Variants in ADAMTS3 observed in about 807,000 individuals in gnomAD.
ADAMTS3 encodes ADAM metallopeptidase with thrombospondin type 1 motif 3.
In ADAMTS3, 73 loss-of-function variants were observed where a neutral mutation model predicts 129.0. That is an observed-to-expected ratio of 0.57 (90% CI 0.47 to 0.69). The LOEUF (loss-of-function observed/expected upper bound fraction) is 0.69, where lower values mean the gene tolerates loss of function less well. Among genes scored for constraint, ADAMTS3 ranks in the 30% least tolerant of loss-of-function variants. The probability of loss-of-function intolerance (pLI) is 0.00; values close to 1 mark genes in which losing one functional copy is unlikely to be tolerated. For missense variants in ADAMTS3, 1,457 were observed against 1,514.5 expected, an observed-to-expected ratio of 0.96 and a Z score of 0.63; for synonymous variants, 477 against 510.8, an observed-to-expected ratio of 0.93 and a Z score of 0.89.
intron 4 of ADAMTS3, among the ~76,000 whole-genome samples, chr4:72,346,288 C>T (rs921575841): frequency 2.6e-5 from 4 of 152,064 alleles, no homozygotes; most frequent in African/African-American, 7.2e-5. Context: ...GAGAAGGAAA[C>T]GAATGTTGTA....
chr4:72,324,541 G>A (rs1389948275), intron 5 of ADAMTS3, among the ~76,000 whole-genome samples: 1 of 152,056 alleles, frequency 6.6e-6, no homozygotes, highest in African/African-American at 2.4e-5. Flanking sequence ...AAAAATGCAT[G>A]TATACACACA....
chr4:72,541,936 A>G (rs1721341881), intron 3 of ADAMTS3, among the ~76,000 whole-genome samples: 1 of 152,200 alleles, frequency 6.6e-6, no homozygotes. Flanking sequence ...GTATGTATTC[A>G]TATTTAGAAT....
chr4:72,540,720 G>GTCTT (rs1721300065), intron 3 of ADAMTS3, among the ~76,000 whole-genome samples: 3 of 152,192 alleles, frequency 2.0e-5, no homozygotes, highest in Non-Finnish European at 2.9e-5. Flanking sequence ...AAGGGGCCAA[G>GTCTT]CATGGCCCAT....
intron 3 of ADAMTS3, among the ~76,000 whole-genome samples, chr4:72,528,133 G>A (rs1404874700): frequency 2.0e-5 from 3 of 151,956 alleles, no homozygotes; most frequent in African/African-American, 7.3e-5. Context: ...TGAAAAGTCA[G>A]TACATACACA....
chr4:72,379,546 C>A (rs921007566), intron 4 of ADAMTS3, among the ~76,000 whole-genome samples: 2 of 151,568 alleles, frequency 1.3e-5, no homozygotes, highest in African/African-American at 2.4e-5. Flanking sequence ...GAAATAAGTT[C>A]AAGTCAATCA....
intron 3 of ADAMTS3, among the ~76,000 whole-genome samples, chr4:72,461,400 G>A (rs1718767612): frequency 6.6e-6 from 1 of 151,680 alleles, no homozygotes; most frequent in Non-Finnish European, 1.5e-5. Flanking sequence ...TCTGTAATGT[G>A]TCAAACACCC....
At chr4:72,449,533 T>C (rs1718339392) in intron 3 of ADAMTS3, among the ~76,000 whole-genome samples, 1 of 151,764 alleles carries the variant, frequency 6.6e-6, no homozygotes, top group Non-Finnish European at 1.5e-5. Flanking sequence ...ATTACTATTG[T>C]AGTCCAAGCC....
At chr4:72,364,654 A>C (rs1560487653) in intron 4 of ADAMTS3, among the ~76,000 whole-genome samples, 2 of 152,138 alleles carry the variant, frequency 1.3e-5, no homozygotes, top group Non-Finnish European at 2.9e-5. Flanking sequence ...ATAAGAAAAC[A>C]AATGAAAAAA....
chr4:72,465,152 A>C (rs1394093125), intron 3 of ADAMTS3, among the ~76,000 whole-genome samples: 2 of 152,000 alleles, frequency 1.3e-5, no homozygotes, highest in African/African-American at 4.8e-5. Context: ...AAGATCTGAG[A>C]TGGAGGGGCA....
intron 3 of ADAMTS3, among the ~76,000 whole-genome samples, chr4:72,427,793 G>A (rs865922992): frequency 5.3e-5 from 8 of 152,066 alleles, no homozygotes; most frequent in South Asian, 2.1e-4. Context: ...GCCTTTTACC[G>A]CACAGTAAAT....
rs1720885547 is a variant in ADAMTS3, at chr4:72,366,971, C to G, written c.662-27278G>C. On this transcript the variant is annotated intron_variant, in intron 4 of 21. Transcript: ENST00000286657. ...CTCCTTTATCCTCTTTTGCTCTCCT[C>G]TCATCTTTTTGATACTGATTTCTGT... Among the ~76,000 whole-genome samples the G allele has an allele frequency of 2.0e-5, 3 of 151,946 alleles. No homozygotes were observed. In the South Asian group the frequency reaches 6.2e-4, roughly 32 times the overall value.
intron 4 of ADAMTS3, among the ~76,000 whole-genome samples, chr4:72,360,977 G>T (rs1720713420): frequency 6.6e-6 from 1 of 152,042 alleles, no homozygotes; most frequent in Admixed American, 6.6e-5. Context: ...TCTGGAAACT[G>T]CTCTACAGTG....
rs1719804644 is a variant in ADAMTS3 at position 72,330,019 on chromosome 4, TTTTG to T, written c.862-6926_862-6923del. 3.3e-5 allele frequency among the ~76,000 whole-genome samples: 5 copies of T among 152,254 alleles called. 1 individual carries two copies. The highest frequency in any genetic ancestry group is 1.2e-4 in the African/African-American group (5 of 41,556). On this transcript the variant is annotated intron_variant, in intron 5 of 21. Coordinates refer to ENST00000286657, the MANE Select transcript of ADAMTS3 (RefSeq NM_014243.3). ...GCTGATGAATTCCAAAGTTTGGTTT[TTTTG>T]TTTGTTTGTTTTGAGATGGAGTTTC...
chr4:72,417,309 G>A (rs964555450), intron 3 of ADAMTS3, among the ~76,000 whole-genome samples: 5 of 152,270 alleles, frequency 3.3e-5, no homozygotes, highest in East Asian at 3.9e-4. Flanking sequence ...TGAGCAATGC[G>A]CAATGGCTAT....
intron 4 of ADAMTS3, among the ~76,000 whole-genome samples, chr4:72,398,714 T>C (rs976257689): frequency 3.9e-5 from 6 of 152,194 alleles, no homozygotes; most frequent in East Asian, 1.9e-4. Context: ...TGAAAGTTCA[T>C]AAGATGAAAA....
chr4:72,353,304 A>T (rs1720491669), intron 4 of ADAMTS3, among the ~76,000 whole-genome samples: 1 of 151,974 alleles, frequency 6.6e-6, no homozygotes. Context: ...TATAGTACCC[A>T]ATGTGCTTGT....
intron 3 of ADAMTS3, among the ~76,000 whole-genome samples, chr4:72,505,435 G>T (rs1179685165): frequency 6.6e-6 from 1 of 152,146 alleles, no homozygotes; most frequent in South Asian, 2.1e-4. Flanking sequence ...GTAAGAGCCG[G>T]CTATGGCCAA....
At chr4:72,558,870 A>C (rs1392758559) in intron 2 of ADAMTS3, among the ~76,000 whole-genome samples, 24 of 151,766 alleles carry the variant, frequency 1.6e-4, no homozygotes, top group Admixed American at 1.6e-3. Context: ...ATTCAAGCTT[A>C]TGACTAAATC....
intron 4 of ADAMTS3, among the ~76,000 whole-genome samples, chr4:72,362,439 T>C (rs1226158293): frequency 6.6e-6 from 1 of 152,186 alleles, no homozygotes; most frequent in Non-Finnish European, 1.5e-5. Context: ...TAACATGGTA[T>C]CATGGGAAAT....
Sources: gnomAD v4.1 joint callset for allele counts (sites outside exome capture counted in the v4.1 genomes callset) on GRCh38, gnomAD v4.1.1 for gene constraint, MANE v1.5 for transcripts, NCBI Gene and HGNC (gene_info 2026-07-23, HGNC 2026-07-21) for gene names.